Variants in CNOT2 observed in about 807,000 individuals in gnomAD.
CNOT2 encodes the protein CCR4-NOT transcription complex subunit 2, also known as CC chemokine receptor 4-negative regulator of transcription 2.
A neutral mutation model predicts 72.1 loss-of-function variants in CNOT2; 7 were observed. The ratio of observed to expected loss-of-function variants is 0.10; its 90% CI spans 0.06 to 0.18. CNOT2 has a LOEUF of 0.18. CNOT2 is among the 10% of genes least tolerant of loss of function. CNOT2 has a pLI of 1.00. For missense variants in CNOT2, 345 were observed against 660.3 expected (o/e 0.52, Z 5.23); for synonymous variants, 196 against 225.6 (o/e 0.87, Z 1.17).
At chr12:70,320,247 A>G (rs1400177502) in intron 4 of CNOT2, among the ~76,000 whole-genome samples, 1 of 151,734 alleles carries the variant, frequency 6.6e-6, no homozygotes, top group Non-Finnish European at 1.5e-5. Flanking sequence ...ACCAGTTTCA[A>G]GTAAAAATCA....
chr12:70,354,018 G>A lies in CNOT2; in HGVS notation c.*103G>A. The A allele has an allele frequency of 1.4e-6, 2 of 1,464,870 alleles. No individual in the cohort carries two copies. Among genetic ancestry groups the A allele is most frequent in the Non-Finnish European group, 1.8e-6 (2 of 1,109,364 alleles). The allele number at this position is 1,464,870 out of a possible 1,614,324, so 90.7% of individuals were successfully genotyped here. ...AGAACTGATGTGGCTCAGGCACCCT[G>A]GTTTTAATTCCTTGAGGATCTGGCA... On this transcript the variant is annotated 3_prime_UTR_variant, in exon 16 of 16. Transcript: ENST00000229195.
chr12:70,274,841 A>G (rs1220421100), intron 1 of CNOT2, among the ~76,000 whole-genome samples: 1 of 152,060 alleles, frequency 6.6e-6, no homozygotes, highest in Admixed American at 6.6e-5. Flanking sequence ...AGATTCATCC[A>G]TCTTGCATGA....
At chr12:70,327,622 A>C (rs958426447) in intron 4 of CNOT2, 2 of 151,762 alleles carry the variant, frequency 1.3e-5, no homozygotes, top group Admixed American at 6.6e-5. Context: ...CTTGGTGGTC[A>C]GTAACTGTGA....
At chr12:70,259,085 A>C (rs1052279581) in intron 1 of CNOT2, among the ~76,000 whole-genome samples, 2 of 152,180 alleles carry the variant, frequency 1.3e-5, no homozygotes, top group African/African-American at 4.8e-5. Context: ...CCCATTTTAC[A>C]GTTGAGTAAA....
intron 1 of CNOT2, among the ~76,000 whole-genome samples, chr12:70,258,165 C>T (rs1335661056): frequency 6.6e-6 from 1 of 152,058 alleles, no homozygotes; most frequent in Non-Finnish European, 1.5e-5. Context: ...TGTTATAGTC[C>T]TGTCCGTGGT....
chr12:70,249,062 C>T (rs979096029), intron 1 of CNOT2, among the ~76,000 whole-genome samples: 26 of 151,996 alleles, frequency 1.7e-4, no homozygotes, highest in African/African-American at 6.3e-4. Context: ...GTTGAAACAG[C>T]TCCAGTTTGT....
Position 70,286,439 on chromosome 12 carries a change from G to A in CNOT2, c.48+8165G>A, listed in dbSNP as rs570075193. Among the ~76,000 whole-genome samples, 227 of 150,002 alleles carry A rather than the reference G, an allele frequency of 1.5e-3. 9 individuals are homozygous for A. Among genetic ancestry groups the A allele is most frequent in the African/African-American group, 5.2e-3 (214 of 41,308 alleles). On this transcript the variant is annotated intron_variant, in intron 2 of 15. Coordinates refer to ENST00000229195, the MANE Select transcript of CNOT2 (RefSeq NM_014515.7). ...CCTGAAATTGATTTTTGTACATGGT[G>A]TTAGAAGTACAGTTTCCTTTCCCCT... is the stretch of plus-strand genomic sequence containing the variant.
chr12:70,243,414 T>C (rs1356182150), upstream of CNOT2: 1 of 152,538 alleles, frequency 6.6e-6, no homozygotes, highest in Non-Finnish European at 1.5e-5. Flanking sequence ...GTAAAGGTCT[T>C]GCTCCCAGCA....
At chr12:70,253,043 T>C (rs1424174503) in intron 1 of CNOT2, among the ~76,000 whole-genome samples, 1 of 152,232 alleles carries the variant, frequency 6.6e-6, no homozygotes, top group Non-Finnish European at 1.5e-5. Context: ...CCAGGAATTT[T>C]GTTTAGATGA....
At chr12:70,285,860 T>C (rs1288262589) in intron 2 of CNOT2, among the ~76,000 whole-genome samples, 1 of 151,980 alleles carries the variant, frequency 6.6e-6, no homozygotes, top group African/African-American at 2.4e-5. Context: ...ATTAGCCAGT[T>C]TGAAATTGGG....
At chr12:70,246,540 T>C (rs188441782) in intron 1 of CNOT2, among the ~76,000 whole-genome samples, 11 of 152,256 alleles carry the variant, frequency 7.2e-5, no homozygotes, top group East Asian at 1.9e-4. Context: ...GTAGAACTTA[T>C]TCTGCTTGAT....
rs114890604 is a variant in CNOT2 at position 70,274,167 on chromosome 12, A to T, written c.-95-3965A>T. On this transcript the variant is annotated intron_variant, in intron 1 of 15. Transcript: ENST00000229195. Reference sequence around the variant, plus strand: ...CTTGAGTTTTATTTATATTTATTTCATCTGTCCATCAACTCAGAATTTTTA... The same window carrying T: ...CTTGAGTTTTATTTATATTTATTTCTTCTGTCCATCAACTCAGAATTTTTA... Among the ~76,000 whole-genome samples the T allele has an allele frequency of 1.8e-3, 268 of 152,110 alleles. 2 individuals carry two copies. Among genetic ancestry groups the T allele is most frequent in the African/African-American group, 6.1e-3 (252 of 41,526 alleles).
chr12:70,306,110 G>T (rs1423345458), intron 2 of CNOT2, among the ~76,000 whole-genome samples: 1 of 151,924 alleles, frequency 6.6e-6, no homozygotes. Flanking sequence ...TGGGGATTTG[G>T]TTTGGTACAG....
chr12:70,295,725 T>A (rs369204170), intron 2 of CNOT2, among the ~76,000 whole-genome samples: 1 of 152,158 alleles, frequency 6.6e-6, no homozygotes, highest in Non-Finnish European at 1.5e-5. Context: ...CTAATTATAT[T>A]TAGTTCTTTA....
chr12:70,269,450 C>T (rs1223439641), intron 1 of CNOT2, among the ~76,000 whole-genome samples: 4 of 152,072 alleles, frequency 2.6e-5, no homozygotes, highest in African/African-American at 9.7e-5. Context: ...TAATAGTTTA[C>T]ATGTGCAAAA....
chr12:70,287,669 G>A (rs1008025598), intron 2 of CNOT2, among the ~76,000 whole-genome samples: 2 of 149,736 alleles, frequency 1.3e-5, no homozygotes, highest in African/African-American at 4.9e-5. Context: ...TTATCCCTTT[G>A]TTTAGATCTA....
At chr12:70,345,816 G>A (rs1882092366) in intron 14 of CNOT2, 1 of 161,052 alleles carries the variant, frequency 6.2e-6, no homozygotes, top group African/African-American at 2.4e-5. Context: ...AATTTCTTTT[G>A]AGTGTTAAGA....
chr12:70,268,892 C>T (rs941906937), intron 1 of CNOT2, among the ~76,000 whole-genome samples: 3 of 152,034 alleles, frequency 2.0e-5, no homozygotes, highest in Non-Finnish European at 4.4e-5. Flanking sequence ...GTCCGGTATG[C>T]AAAAAGGATC....
At chr12:70,305,883 T>G (rs886117088) in intron 2 of CNOT2, among the ~76,000 whole-genome samples, 1 of 149,076 alleles carries the variant, frequency 6.7e-6, no homozygotes, top group South Asian at 2.1e-4. Context: ...GTTTTTTTTT[T>G]TTTTTTTTTT....
Sources: gnomAD v4.1 joint callset for allele counts (sites outside exome capture counted in the v4.1 genomes callset) on GRCh38, gnomAD v4.1.1 for gene constraint, MANE v1.5 for transcripts, NCBI Gene and HGNC (gene_info 2026-07-23, HGNC 2026-07-21) for gene names.